RNF212B: variants seen among roughly 807,000 people sequenced by gnomAD.
RNF212B encodes E3 ubiquitin-protein ligase RNF212B.
Under a neutral mutation model 55.5 loss-of-function variants are expected in RNF212B, and 52 were observed. The ratio of observed to expected loss-of-function variants is 0.94; its 90% CI spans 0.75 to 1.18. The LOEUF (loss-of-function observed/expected upper bound fraction) is 1.18, where lower values mean the gene tolerates loss of function less well. Ranked by LOEUF, RNF212B falls within the 50% of genes most tolerant of loss-of-function variation. The pLI is 0.00. For synonymous variants in RNF212B, 99 were observed against 121.4 expected (o/e 0.82, Z 1.21); for missense variants, 289 against 350.4 (o/e 0.82, Z 1.40).
chr14:23,228,462 CAAAAA>C (rs776673043), intron 2 of RNF212B, among the ~76,000 whole-genome samples: 1 of 76,100 alleles, frequency 1.3e-5, no homozygotes, highest in Non-Finnish European at 2.4e-5. Flanking sequence ...CTATCTCTAC[CAAAAA>C]AAAAAAAAAA....
At chr14:23,244,788 T>C (rs1317661273) in intron 4 of RNF212B, among the ~76,000 whole-genome samples, 2 of 152,238 alleles carry the variant, frequency 1.3e-5, no homozygotes, top group Admixed American at 6.5e-5. Context: ...CAGTAGTTTA[T>C]AGCACTAAGT....
At chr14:23,248,597 A>G (rs1245942025) in intron 4 of RNF212B, among the ~76,000 whole-genome samples, 1 of 151,436 alleles carries the variant, frequency 6.6e-6, no homozygotes, top group Non-Finnish European at 1.5e-5. Context: ...ATGCGCCACC[A>G]CACCTGGCTA....
chr14:23,248,337 T>A (rs762025270), intron 4 of RNF212B, among the ~76,000 whole-genome samples: 32 of 150,112 alleles, frequency 2.1e-4, no homozygotes, highest in Admixed American at 6.6e-4. Context: ...GGTTTTACCA[T>A]GTTGCCCAGG....
chr14:23,208,760 T>G (rs1880122057), intron 2 of RNF212B, among the ~76,000 whole-genome samples: 2 of 125,608 alleles, frequency 1.6e-5, no homozygotes, highest in Admixed American at 1.5e-4. Flanking sequence ...GGTTGCCGTT[T>G]TTTTTTTTTT....
intron 4 of RNF212B, among the ~76,000 whole-genome samples, chr14:23,248,959 C>T (rs1242203230): frequency 6.6e-6 from 1 of 152,198 alleles, no homozygotes; most frequent in Non-Finnish European, 1.5e-5. Flanking sequence ...CCCAACTCTG[C>T]TGTTGTAGCA....
Position 23,244,342 on chromosome 14 carries a change from G to GT in RNF212B, c.179dup (p.Lys61GlnfsTer12). 6.5e-7 allele frequency: 1 copy of GT among 1,545,956 alleles called. No homozygotes were observed. The highest frequency in any genetic ancestry group is 8.7e-7 in the Non-Finnish European group (1 of 1,144,970). On this transcript the variant is annotated frameshift_variant, in exon 4 of 15. Transcript: ENST00000430154. LOFTEE classifies it high-confidence loss of function. ...CGTAGCTGAAGCCTCAGGAGAAGAT[G>GT]TTTTTCAAAAGTCCTGTGGAGACAG...
chr14:23,272,915 A>G lies in RNF212B; in HGVS notation c.*24A>G, dbSNP rs1312412509. The G allele has an allele frequency of 3.6e-6, 5 of 1,399,696 alleles. No homozygotes were observed. Among genetic ancestry groups the G allele is most frequent in the Non-Finnish European group, 4.9e-6 (5 of 1,023,266 alleles). The allele number at this position is 1,399,696 out of a possible 1,614,324, so 86.7% of individuals were successfully genotyped here. On this transcript the variant is annotated 3_prime_UTR_variant, in exon 15 of 15. Coordinates refer to ENST00000430154, the MANE Select transcript of RNF212B (RefSeq NM_001282322.3). ...AGATCATCTTCAAGATCTGATCTAT[A>G]CATGCTGCTGAAGGATGGACTGTAG...
chr14:23,237,170 C>T (rs1380678553), upstream of RNF212B, among the ~76,000 whole-genome samples: 1 of 151,202 alleles, frequency 6.6e-6, no homozygotes, highest in African/African-American at 2.4e-5. Context: ...CTCTCTGTCT[C>T]CCAGGCTGAA....
At chr14:23,217,615 A>G (rs892931291) in intron 2 of RNF212B, among the ~76,000 whole-genome samples, 2 of 152,174 alleles carry the variant, frequency 1.3e-5, no homozygotes, top group African/African-American at 4.8e-5. Flanking sequence ...AGGGAAAAGA[A>G]TAAGAGTCTC....
chr14:23,272,950 C>A lies in RNF212B; in HGVS notation c.*59C>A. ...GAAGGATGGACTGTAGCTTCCAGTA[C>A]GCATTAGGGGTGATGGCCCTGGAAA... On this transcript the variant is annotated 3_prime_UTR_variant, in exon 15 of 15. Coordinates refer to ENST00000430154, the MANE Select transcript of RNF212B (RefSeq NM_001282322.3). 1 of 1,006,402 alleles carries A rather than the reference C, an allele frequency of 9.9e-7. No individual in the cohort carries two copies. The highest frequency in any genetic ancestry group is 1.5e-6 in the Non-Finnish European group (1 of 682,804). The allele number at this position is 1,006,402 out of a possible 1,614,324, so 62.3% of individuals were successfully genotyped here.
intron 2 of RNF212B, among the ~76,000 whole-genome samples, chr14:23,212,234 C>T (rs562042989): frequency 1.3e-5 from 2 of 152,300 alleles, no homozygotes; most frequent in East Asian, 3.9e-4. Context: ...ACAAGGATGT[C>T]TGCCTTCACC....
upstream of RNF212B, among the ~76,000 whole-genome samples, chr14:23,233,727 G>A: frequency 7.3e-6 from 1 of 137,156 alleles, no homozygotes; most frequent in East Asian, 2.2e-4. Context: ...GGGCAACAGA[G>A]TGAGACCCTG....
intron 2 of RNF212B, among the ~76,000 whole-genome samples, chr14:23,205,492 A>C (rs1315288118): frequency 6.6e-6 from 1 of 152,154 alleles, no homozygotes; most frequent in Non-Finnish European, 1.5e-5. Context: ...TACCTAGATT[A>C]TTTACGAAAA....
intron 11 of RNF212B, among the ~76,000 whole-genome samples, chr14:23,265,094 T>C (rs1885590975): frequency 6.6e-6 from 1 of 152,264 alleles, no homozygotes; most frequent in South Asian, 2.1e-4. Context: ...GTGTTGGGAT[T>C]ACAGGCGTGA....
At chr14:23,237,598 G>A (rs1883208276), upstream of RNF212B, among the ~76,000 whole-genome samples, 1 of 152,130 alleles carries the variant, frequency 6.6e-6, no homozygotes, top group African/African-American at 2.4e-5. Context: ...TTAAGCAAAA[G>A]TTTTCGCCCA....
intron 11 of RNF212B, among the ~76,000 whole-genome samples, chr14:23,266,274 T>G (rs1885684991): frequency 6.6e-6 from 1 of 152,100 alleles, no homozygotes; most frequent in African/African-American, 2.4e-5. Flanking sequence ...TCTAATGTCC[T>G]TTGTGATTTT....
chr14:23,241,995 T>C (rs957377827), intron 2 of RNF212B, among the ~76,000 whole-genome samples: 13 of 138,574 alleles, frequency 9.4e-5, no homozygotes, highest in African/African-American at 3.6e-4. Context: ...GGCAGGAGAA[T>C]GGTGTGAACC....
At chr14:23,217,256 G>GGC (rs202192926) in intron 2 of RNF212B, among the ~76,000 whole-genome samples, 17 of 18,970 alleles carry the variant, frequency 9.0e-4, no homozygotes, top group African/African-American at 3.0e-3. Context: ...TGGCAGTGGT[G>GGC]GGGGGGGGGC....
intron 4 of RNF212B, among the ~76,000 whole-genome samples, chr14:23,247,938 G>T (rs1256295474): frequency 6.6e-6 from 1 of 152,106 alleles, no homozygotes; most frequent in African/African-American, 2.4e-5. Flanking sequence ...CTTAGACTGG[G>T]CAATTTCTAA....
Sources: gnomAD v4.1 joint callset for allele counts (sites outside exome capture counted in the v4.1 genomes callset) on GRCh38, gnomAD v4.1.1 for gene constraint, MANE v1.5 for transcripts, NCBI Gene and HGNC (gene_info 2026-07-23, HGNC 2026-07-21) for gene names.